The following MCF2 variants were observed in gnomAD, a reference collection of about 807,000 sequenced individuals.
MCF2 encodes proto-oncogene DBL.
A neutral mutation model predicts 82.5 loss-of-function variants in MCF2; 44 were observed. That is an observed-to-expected ratio of 0.53 (90% CI 0.42 to 0.69). MCF2 has a LOEUF of 0.69. Ranked by LOEUF, MCF2 falls within the 30% of genes least tolerant of loss-of-function variation. The pLI is 0.00. For missense variants in MCF2, 623 were observed against 663.1 expected (o/e 0.94, Z 0.66); for synonymous variants, 217 against 224.9 (o/e 0.96, Z 0.32).
At chrX:139,646,968 T>G, upstream of MCF2, 1 of 672,317 alleles carries the variant, frequency 1.5e-6, no homozygotes, top group Non-Finnish European at 2.2e-6. Flanking sequence ...AAGAAGAGGA[T>G]TTTAGATTTG....
At chrX:139,607,768 C>T in exon 12 of MCF2, 1 of 1,194,299 alleles carries the variant, frequency 8.4e-7, no homozygotes. Flanking sequence ...GACAATCAGG[C>T]ACCACTTCAA....
intron 1 of MCF2, among the ~76,000 whole-genome samples, chrX:139,688,689 A>G (rs1220673559): frequency 2.7e-5 from 3 of 110,950 alleles, no homozygotes; most frequent in Non-Finnish European, 3.8e-5. Flanking sequence ...TTTTTTCATC[A>G]TCAGGTAAAG....
At chrX:139,640,309 G>A (rs1933488310) in intron 1 of MCF2, among the ~76,000 whole-genome samples, 1 of 111,609 alleles carries the variant, frequency 9.0e-6, no homozygotes, top group Non-Finnish European at 1.9e-5. Context: ...AACCATCTCT[G>A]CAGAATATGT....
chrX:139,667,235 C>T (rs1415772149), intron 1 of MCF2, among the ~76,000 whole-genome samples: 1 of 106,456 alleles, frequency 9.4e-6, no homozygotes, highest in African/African-American at 3.4e-5. Context: ...CTCTGTTACC[C>T]AGATAGAACT....
intron 2 of MCF2, among the ~76,000 whole-genome samples, chrX:139,632,086 TAC>T (rs1417078987): frequency 1.8e-5 from 2 of 111,184 alleles, no homozygotes; most frequent in Non-Finnish European, 3.8e-5. Context: ...CATACATATA[TAC>T]ACATATATAT....
chrX:139,678,601 A>T (rs1425127631), intron 1 of MCF2, among the ~76,000 whole-genome samples: 2 of 112,213 alleles, frequency 1.8e-5, no homozygotes, highest in Non-Finnish European at 3.8e-5. Context: ...AATATCAAGG[A>T]TATATAAAAG....
At chrX:139,639,129 G>A (rs1282830643) in intron 1 of MCF2, among the ~76,000 whole-genome samples, 1 of 110,748 alleles carries the variant, frequency 9.0e-6, no homozygotes, top group Non-Finnish European at 1.9e-5. Flanking sequence ...TGGGTATGCT[G>A]CTTTAAGAAC....
rs998408539 is a variant in MCF2 at position 139,640,010 on chromosome X, G to A, written c.51+2458C>T. Reference sequence around the variant, plus strand: ...CTGGATATTATTCCCTTTTTACAGAGGAGCAAACTGAAGCACAGTTGGTAA... The same window carrying A: ...CTGGATATTATTCCCTTTTTACAGAAGAGCAAACTGAAGCACAGTTGGTAA... On this transcript the variant is annotated intron_variant, in intron 1 of 24. Coordinates refer to ENST00000370576, the Ensembl canonical transcript of MCF2. 3.6e-5 allele frequency among the ~76,000 whole-genome samples: 4 copies of A among 110,681 alleles called. 1 individual carries two copies. Among genetic ancestry groups the A allele is most frequent in the Admixed American group, 2.9e-4 (3 of 10,363 alleles).
At chrX:139,661,392 A>G (rs1162563310) in intron 1 of MCF2, among the ~76,000 whole-genome samples, 3 of 111,965 alleles carry the variant, frequency 2.7e-5, no homozygotes, top group African/African-American at 9.7e-5. Flanking sequence ...CAGGCAGTCA[A>G]CGCCTACAAC....
At chrX:139,649,245 A>G (rs1390656095) in intron 2 of MCF2, among the ~76,000 whole-genome samples, 1 of 112,053 alleles carries the variant, frequency 8.9e-6, no homozygotes, top group Non-Finnish European at 1.9e-5. Flanking sequence ...ATTAATCTTC[A>G]CTGTATGATA....
At chrX:139,609,666 C>A (rs968055733) in intron 11 of MCF2, among the ~76,000 whole-genome samples, 2 of 111,003 alleles carry the variant, frequency 1.8e-5, no homozygotes, top group Non-Finnish European at 3.8e-5. Flanking sequence ...TTGTATCTAA[C>A]AATAAGTAAG....
chrX:139,605,728 C>T (rs1316280011), exon 13 of MCF2: 3 of 1,201,280 alleles, frequency 2.5e-6, no homozygotes, highest in African/African-American at 1.7e-5. Flanking sequence ...AAACAGTATA[C>T]AGTTCTCGAA....
exon 7 of MCF2, chrX:139,619,600 T>C: frequency 1.7e-6 from 2 of 1,147,722 alleles, no homozygotes; most frequent in Non-Finnish European, 2.4e-6. Context: ...AGAATTTTCA[T>C]CTAAGTTTTC....
upstream of MCF2, chrX:139,646,789 C>T (rs1204207503): frequency 9.8e-7 from 1 of 1,024,308 alleles, no homozygotes; most frequent in Admixed American, 2.8e-5. Flanking sequence ...AATACTATAC[C>T]TTGCAATAGA....
chrX:139,582,401 G>A (rs748367136), exon 25 of MCF2: 35 of 1,120,213 alleles, frequency 3.1e-5, no homozygotes, highest in Non-Finnish European at 3.7e-5. Flanking sequence ...TGTCTTTTGC[G>A]CAGTATTTTT....
intron 23 of MCF2, among the ~76,000 whole-genome samples, chrX:139,585,837 C>T (rs1311636487): frequency 8.9e-6 from 1 of 112,175 alleles, no homozygotes; most frequent in African/African-American, 3.2e-5. Context: ...CATGCTATGT[C>T]AATATTTGTT....
Position 139,617,894 on chromosome X carries a change from AACTT to A in MCF2, c.808-194_808-191del, listed in dbSNP as rs779032647. Among the ~76,000 whole-genome samples, 11 of 110,519 alleles carry A rather than the reference AACTT, an allele frequency of 1.0e-4. No homozygotes were observed. In the South Asian group the frequency reaches 1.9e-3, roughly 19 times the overall value. On this transcript the variant is annotated intron_variant, in intron 7 of 24. Transcript: ENST00000370576. The stretch of plus-strand genomic sequence containing the variant: ...AAACAAACAAAAAAACAAAAACAAA[AACTT>A]ACAGTTATAATAATTAGCTGCAGCA...
chrX:139,630,183 C>T (rs1441965040), intron 3 of MCF2, among the ~76,000 whole-genome samples: 3 of 111,722 alleles, frequency 2.7e-5, no homozygotes, highest in Non-Finnish European at 5.7e-5. Context: ...TTTCCTTATT[C>T]TATAAACTCT....
chrX:139,618,458 G>A (rs761043894), intron 7 of MCF2, among the ~76,000 whole-genome samples: 1 of 110,890 alleles, frequency 9.0e-6, no homozygotes, highest in Non-Finnish European at 1.9e-5. Flanking sequence ...ATTTAAAAAT[G>A]ATTAAGACGG....
Sources: gnomAD v4.1 joint callset for allele counts (sites outside exome capture counted in the v4.1 genomes callset) on GRCh38, gnomAD v4.1.1 for gene constraint, MANE v1.5 for transcripts, NCBI Gene and HGNC (gene_info 2026-07-23, HGNC 2026-07-21) for gene names.